Variants in POU2F2 observed in about 807,000 individuals in gnomAD.
The protein encoded by POU2F2 is POU domain, class 2, transcription factor 2.
In POU2F2, 14 loss-of-function variants were observed where a neutral mutation model predicts 63.5. That is an observed-to-expected ratio of 0.22 (90% CI 0.15 to 0.34). POU2F2 has a LOEUF of 0.34. Among genes scored for constraint, POU2F2 ranks in the 10% least tolerant of loss-of-function variants. The pLI is 1.00. For missense variants in POU2F2, 607 were observed against 815.2 expected, an observed-to-expected ratio of 0.74 and a Z score of 3.11; for synonymous variants, 306 against 348.6, an observed-to-expected ratio of 0.88 and a Z score of 1.36.
chr19:42,164,731 G>A (rs185101666), intron 1 of POU2F2, among the ~76,000 whole-genome samples: 14 of 152,140 alleles, frequency 9.2e-5, no homozygotes, highest in Non-Finnish European at 1.8e-4. Context: ...GGAGGCCGAG[G>A]TGGGCGGATC....
chr19:42,147,466 T>G (rs1394075429), intron 2 of POU2F2, among the ~76,000 whole-genome samples: 1 of 152,234 alleles, frequency 6.6e-6, no homozygotes, highest in African/African-American at 2.4e-5. Context: ...TGTATTTGAT[T>G]GATGTTTACA....
At chr19:42,134,029 TCA>T (rs923690905), upstream of POU2F2, among the ~76,000 whole-genome samples, 2 of 152,152 alleles carry the variant, frequency 1.3e-5, no homozygotes, top group African/African-American at 4.8e-5. Flanking sequence ...AAAGGCCATT[TCA>T]CAGAGGAGAT....
At chr19:42,164,005 TATC>T (rs2034601340) in intron 1 of POU2F2, among the ~76,000 whole-genome samples, 1 of 152,186 alleles carries the variant, frequency 6.6e-6, no homozygotes, top group Admixed American at 6.5e-5. Context: ...GTATGTAGCA[TATC>T]ATCCCGTTTT....
chr19:42,130,841 C>T (rs1447392973), intron 1 of POU2F2, among the ~76,000 whole-genome samples: 2 of 151,472 alleles, frequency 1.3e-5, no homozygotes, highest in Non-Finnish European at 2.9e-5. Context: ...CTCCTACGAT[C>T]CCCTAATACC....
intron 1 of POU2F2, 74 bp from the exon 2 acceptor site, chr19:42,122,650 A>T: frequency 1.3e-5 from 18 of 1,333,778 alleles, no homozygotes; most frequent in Non-Finnish European, 1.8e-5. Context: ...CCATTCCACC[A>T]CACTCCCCAA....
chr19:42,091,666 C>T (rs745543224), intron 14 of POU2F2, 75 bp from the exon 15 acceptor site: 2 of 1,550,292 alleles, frequency 1.3e-6, no homozygotes, highest in South Asian at 1.2e-5. Context: ...GCATCCTGCC[C>T]AGAGTGCCCC....
chr19:42,193,583 A>G (rs79956817), intron 1 of POU2F2, among the ~76,000 whole-genome samples: 4,775 of 152,228 alleles, frequency 0.031, 258 homozygotes, highest in African/African-American at 0.11. Context: ...CTGGCACCTT[A>G]ATTTCAGTCT....
chr19:42,141,627 A>G (rs1388480215), intron 2 of POU2F2, among the ~76,000 whole-genome samples: 6 of 151,852 alleles, frequency 4.0e-5, no homozygotes, highest in African/African-American at 1.5e-4. Flanking sequence ...GATTACAGGC[A>G]TGCACCACCA....
chr19:42,179,208 C>A (rs1256830880), upstream of POU2F2, among the ~76,000 whole-genome samples: 1 of 150,856 alleles, frequency 6.6e-6, no homozygotes, highest in Non-Finnish European at 1.5e-5. Context: ...GGGGAAAGGG[C>A]AGACAGGAGG....
At chr19:42,186,321 C>T (rs567239455) in intron 1 of POU2F2, among the ~76,000 whole-genome samples, 18 of 151,836 alleles carry the variant, frequency 1.2e-4, no homozygotes, top group African/African-American at 4.1e-4. Context: ...CTGGACAGAG[C>T]GAGACTCCAT....
At position 42,122,555 on chromosome 19, in the gene POU2F2, AG is replaced by A; in HGVS notation, c.49del (p.Leu17TrpfsTer55). On this transcript the variant is annotated frameshift_variant, in exon 2 of 15. Coordinates refer to ENST00000692977, the MANE Select transcript of POU2F2 (RefSeq NM_001394376.1). LOFTEE classifies it high-confidence loss of function. ...GAPEIRMSKPLEAEKQGLDSP... is the reference protein window; with the variant it reads ...GAPEIRMSKPXEAEKQGLDSP... ...GTCCAGACCTTGCTTCTCGGCCTCC[AG>A]GGGCTTAGACATTCTTATTTCTGGG... 6.2e-7 allele frequency: 1 copy of A among 1,600,250 alleles called. No individual in the cohort carries two copies.
intron 2 of POU2F2, among the ~76,000 whole-genome samples, chr19:42,159,195 C>T (rs1312193131): frequency 7.2e-5 from 11 of 152,162 alleles, no homozygotes; most frequent in Non-Finnish European, 1.5e-5. Flanking sequence ...TGGAAGACTT[C>T]ACACACAAGT....
intron 1 of POU2F2, among the ~76,000 whole-genome samples, chr19:42,188,226 C>T (rs899270589): frequency 2.0e-5 from 3 of 151,820 alleles, no homozygotes; most frequent in African/African-American, 2.4e-5. Flanking sequence ...ATTAGCCAGG[C>T]GTGGTGGTGC....
chr19:42,122,208 G>T, intron 3 of POU2F2, 26 bp from the exon 4 acceptor site: 1 of 1,606,842 alleles, frequency 6.2e-7, no homozygotes, highest in Non-Finnish European at 8.5e-7. Context: ...AGGAGCAAGG[G>T]GATGGGAATA....
Position 42,092,168 on chromosome 19 carries a change from G to A in POU2F2, c.1367C>T (p.Ser456Phe), listed in dbSNP as rs777286123. ...GGTGGCCGGGGGTGGGGGAGTGACA[G>A]AGGGGATGGAATTGAGGGGGGGCGC... Reference protein sequence around the residue: ...GAAPPLNSIPSVTPPPPATTN... With the variant: ...GAAPPLNSIPFVTPPPPATTN... The change falls in exon 13 of 15, where the codon TCT (serine) becomes TTT (phenylalanine). Residue 456 changes from serine to phenylalanine, a missense_variant. Physicochemically the swap from Ser to Phe is radical, Grantham distance 155. Transcript: ENST00000692977. The surrounding 1 kb of genome is among the most constrained non-coding windows in gnomAD (Gnocchi z 5.0). 1 of 1,580,116 alleles carries A rather than the reference G, an allele frequency of 6.3e-7. No homozygotes were observed. The highest frequency in any genetic ancestry group is 8.6e-7 in the Non-Finnish European group (1 of 1,165,488).
At position 42,099,955 on chromosome 19, in the gene POU2F2, G is replaced by T. The variant is rs80097293; in HGVS notation, c.370-134C>A. On this transcript the variant is annotated intron_variant, in intron 5 of 14. Transcript: ENST00000692977. The stretch of plus-strand genomic sequence containing the variant: ...GGCGATCTGGCACTGGGCAGTGAGG[G>T]ATCGTCCACTCGGTCTCTGAATGGC... 162 of 698,222 alleles carry T rather than the reference G, an allele frequency of 2.3e-4. No homozygotes were observed. The East Asian group carries it at 3.2e-3, about 14-fold the overall frequency. The allele number at this position is 698,222 out of a possible 1,614,324, so 43.3% of individuals were successfully genotyped here. A position where few individuals can be genotyped will look rare whatever the true frequency, so the allele number is the denominator to read the frequency against.
chr19:42,172,928 C>A (rs1221452632), intron 1 of POU2F2, among the ~76,000 whole-genome samples: 1 of 152,128 alleles, frequency 6.6e-6, no homozygotes, highest in Non-Finnish European at 1.5e-5. Context: ...ATAGGACAGA[C>A]CTATAAGGAC....
chr19:42,196,563 C>T (rs1347023455), exon 1 of POU2F2: 1 of 152,470 alleles, frequency 6.6e-6, no homozygotes, highest in African/African-American at 2.4e-5. Flanking sequence ...CGCCGGCCTC[C>T]CACATCTCCC....
intron 2 of POU2F2, among the ~76,000 whole-genome samples, chr19:42,144,274 C>A (rs989000736): frequency 6.6e-6 from 1 of 152,238 alleles, no homozygotes; most frequent in African/African-American, 2.4e-5. Flanking sequence ...GTGTCTCCAG[C>A]ACCTGCAACC....
Sources: gnomAD v4.1 joint callset for allele counts (sites outside exome capture counted in the v4.1 genomes callset) on GRCh38, gnomAD v4.1.1 for gene constraint, Gnocchi (gnomAD v3.1) non-coding constraint, MANE v1.5 for transcripts, NCBI Gene and HGNC (gene_info 2026-07-23, HGNC 2026-07-21) for gene names.